DENND2B: variants seen among roughly 807,000 people sequenced by gnomAD.
The protein encoded by DENND2B is DENN domain-containing protein 2B.
DENND2B carries 32 observed loss-of-function variants against 116.0 expected under a neutral mutation model. That is an observed-to-expected ratio of 0.28 (90% confidence interval 0.21 to 0.37). DENND2B has a LOEUF of 0.37. Among genes scored for constraint, DENND2B ranks in the 10% least tolerant of loss-of-function variants. The probability of loss-of-function intolerance (pLI) is 1.00; values close to 1 mark genes in which losing one functional copy is unlikely to be tolerated. For missense variants in DENND2B, 1,276 were observed against 1,477.7 expected (o/e 0.86, Z 2.24); for synonymous variants, 588 against 583.9 (o/e 1.01, Z -0.10).
intron 4 of DENND2B, chr11:8,831,801 G>C (rs577155192): frequency 6.6e-6 from 1 of 152,280 alleles, no homozygotes; most frequent in South Asian, 2.1e-4. Context: ...TACCCAGTGT[G>C]TGTTCATGCT....
intron 1 of DENND2B, among the ~76,000 whole-genome samples, chr11:8,889,360 C>T (rs536421052): frequency 1.8e-4 from 28 of 152,300 alleles, no homozygotes; most frequent in African/African-American, 3.1e-4. Context: ...ACTGAGGTAC[C>T]GGGTTCATCT....
At chr11:8,713,814 A>G (rs1169908482) in intron 8 of DENND2B, among the ~76,000 whole-genome samples, 184 bp downstream of exon 8, 1 of 152,228 alleles carries the variant, frequency 6.6e-6, no homozygotes, top group Admixed American at 6.5e-5. Context: ...GGCTGAGCTC[A>G]CATGTCTATA....
chr11:8,707,828 T>C lies in DENND2B; in HGVS notation c.2379A>G (p.Pro793=). 6.2e-7 allele frequency: 1 copy of C among 1,611,520 alleles called. No individual in the cohort carries two copies. The highest frequency in any genetic ancestry group is 8.5e-7 in the Non-Finnish European group (1 of 1,179,062). The change falls in exon 12 of 20, where the codon CCA becomes CCG. Residue 793 remains proline, a synonymous_variant. Coordinates refer to ENST00000313726, the MANE Select transcript of DENND2B (RefSeq NM_213618.2). The surrounding 1 kb of genome is among the most constrained non-coding windows in gnomAD (Gnocchi z 4.8). ...LLPSGKGPRL[P]EVYCVISRLG... The stretch of plus-strand genomic sequence containing the variant: ...GGCGGCTGATGACACAGTACACCTC[T>C]GGCAACCGGGGCCCTTTCCCACTTG...
chr11:8,848,242 G>A (rs1207195151), intron 3 of DENND2B, among the ~76,000 whole-genome samples: 1 of 152,168 alleles, frequency 6.6e-6, no homozygotes, highest in Non-Finnish European at 1.5e-5. Context: ...TTAGAGCTTT[G>A]ATCATACCTG....
intron 2 of DENND2B, among the ~76,000 whole-genome samples, chr11:8,858,166 G>C (rs1594265968): frequency 1.3e-5 from 2 of 152,244 alleles, no homozygotes; most frequent in Middle Eastern, 3.4e-3. Context: ...TTTTACCCAA[G>C]TGAAGTCATG....
intron 4 of DENND2B, among the ~76,000 whole-genome samples, chr11:8,820,167 T>G (rs1229398915): frequency 6.6e-6 from 1 of 152,232 alleles, no homozygotes; most frequent in African/African-American, 2.4e-5. Context: ...GAAGAATATT[T>G]AGTAAAATAG....
chr11:8,812,335 A>G (rs1398333765), upstream of DENND2B, among the ~76,000 whole-genome samples: 1 of 152,184 alleles, frequency 6.6e-6, no homozygotes, highest in Non-Finnish European at 1.5e-5. Context: ...CTAAGATGTA[A>G]AACGTCCTGA....
chr11:8,731,244 A>G, intron 2 of DENND2B, 35 bp from the exon 3 acceptor site: 1 of 1,452,204 alleles, frequency 6.9e-7, no homozygotes, highest in Non-Finnish European at 9.1e-7. Context: ...AAAGAAAAGA[A>G]AATGGCAGTG....
intron 3 of DENND2B, among the ~76,000 whole-genome samples, chr11:8,726,871 TA>T (rs1187219061): frequency 6.6e-6 from 1 of 152,186 alleles, no homozygotes; most frequent in Non-Finnish European, 1.5e-5. Flanking sequence ...GCTGAGCCCT[TA>T]AAACAAATAA....
intron 1 of DENND2B, among the ~76,000 whole-genome samples, chr11:8,886,486 C>T (rs527771097): frequency 1.3e-5 from 2 of 151,990 alleles, no homozygotes; most frequent in Admixed American, 6.6e-5. Flanking sequence ...CAAACAGTTT[C>T]CTGAAATTGT....
intron 17 of DENND2B, among the ~76,000 whole-genome samples, chr11:8,697,261 A>G (rs550525126): frequency 4.5e-4 from 69 of 152,382 alleles, no homozygotes; most frequent in African/African-American, 1.6e-3. Context: ...AGTGCCTTTC[A>G]TCTCCTGCAA....
intron 1 of DENND2B, chr11:8,757,037 A>G (rs933904459): frequency 8.8e-6 from 4 of 456,220 alleles, no homozygotes; most frequent in Admixed American, 4.7e-5. Flanking sequence ...AAGGAATAGA[A>G]TAAGGTACCT....
rs766232298 is a variant in DENND2B at position 8,696,713 on chromosome 11, A to G, written c.3053-47T>C. 1.0e-4 allele frequency: 160 copies of G among 1,601,522 alleles called. 1 individual carries two copies. The East Asian group carries it at 1.2e-3, about 12-fold the overall frequency. ...TTGAGGTTCAGGTCAAGAGCCTGCA[A>G]AGCCTTCCTCAATCTTCCTGGTGTA... On this transcript the variant is annotated intron_variant, in intron 17 of 19. Transcript: ENST00000313726.
At chr11:8,892,980 T>A (rs886793399) in intron 1 of DENND2B, among the ~76,000 whole-genome samples, 9 of 152,138 alleles carry the variant, frequency 5.9e-5, no homozygotes, top group African/African-American at 2.2e-4. Context: ...CTAGTGAACA[T>A]CAATGCAAAA....
chr11:8,789,607 T>C (rs2059199688), intron 1 of DENND2B, among the ~76,000 whole-genome samples: 2 of 152,154 alleles, frequency 1.3e-5, no homozygotes, highest in African/African-American at 4.8e-5. Context: ...TCTCTAGATC[T>C]AAGTTACAGT....
chr11:8,851,084 G>C (rs1378375065), intron 3 of DENND2B, among the ~76,000 whole-genome samples: 4 of 151,926 alleles, frequency 2.6e-5, no homozygotes, highest in African/African-American at 9.7e-5. Context: ...GAGATAGGAG[G>C]AATAAATAAG....
intron 3 of DENND2B, among the ~76,000 whole-genome samples, chr11:8,854,016 ATTTTTTTTTTTTTTTTTTTTT>A (rs71059187): frequency 2.5e-4 from 16 of 62,758 alleles, no homozygotes; most frequent in Admixed American, 2.0e-3. Flanking sequence ...GCCCCAGTTA[ATTTTTTTTTTTTTTTTTTTTT>A]TTTTTTTTTT....
intron 1 of DENND2B, among the ~76,000 whole-genome samples, chr11:8,908,621 C>T (rs1417910584): frequency 6.9e-6 from 1 of 144,120 alleles, no homozygotes; most frequent in Non-Finnish European, 1.5e-5. Flanking sequence ...GGTATCTTAT[C>T]TACCTCTTCT....
At chr11:8,807,425 G>A (rs1480216208) in intron 1 of DENND2B, among the ~76,000 whole-genome samples, 1 of 152,112 alleles carries the variant, frequency 6.6e-6, no homozygotes, top group African/African-American at 2.4e-5. Flanking sequence ...CTACCAGTGG[G>A]GCCATGATAC....
Sources: allele counts gnomAD v4.1 joint callset (sites outside exome capture counted in the v4.1 genomes callset), GRCh38; gene constraint gnomAD v4.1.1; non-coding constraint Gnocchi (gnomAD v3.1); transcripts MANE v1.5; gene names NCBI Gene and HGNC (gene_info 2026-07-23, HGNC 2026-07-21).